The following NBPF3 variants were observed in gnomAD, a reference collection of about 807,000 sequenced individuals.
NBPF3 encodes the protein NBPF family member NBPF3.
In NBPF3, 57 loss-of-function variants were observed where a neutral mutation model predicts 78.1. The ratio of observed to expected loss-of-function variants is 0.73; its 90% CI spans 0.59 to 0.91. NBPF3 has a LOEUF of 0.91. Among genes scored for constraint, NBPF3 ranks in the 40% least tolerant of loss-of-function variants. NBPF3 has a pLI of 0.00. For synonymous variants in NBPF3, 182 were observed against 271.7 expected (o/e 0.67, Z 3.25); for missense variants, 510 against 715.3 (o/e 0.71, Z 3.27).
At chr1:21,455,749 A>T (rs1030697510) in intron 2 of NBPF3, among the ~76,000 whole-genome samples, 1 of 152,230 alleles carries the variant, frequency 6.6e-6, no homozygotes, top group Non-Finnish European at 1.5e-5. Flanking sequence ...CTCAAAGTCT[A>T]TGTGGGGTTC....
Position 21,483,170 on chromosome 1 carries a change from A to C in NBPF3, c.1686A>C (p.Glu562Asp). Reference sequence around the variant, plus strand: ...TCAACGAGGTGCTGATGGAAGCAGAAGAGCCTGAAGTCTTGCAGGACTCAC... The same window carrying C: ...TCAACGAGGTGCTGATGGAAGCAGACGAGCCTGAAGTCTTGCAGGACTCAC... ...PRLNEVLMEAEEPEVLQDSLD... is the reference protein window; with the variant it reads ...PRLNEVLMEADEPEVLQDSLD... Residue 562 changes from glutamate to aspartate, a missense_variant, in exon 15 of 15, where the codon GAA becomes GAC. Coordinates refer to ENST00000318249, the MANE Select transcript of NBPF3 (RefSeq NM_032264.6). 1 of 1,609,840 alleles carries C rather than the reference A, an allele frequency of 6.2e-7. No homozygotes were observed. The highest frequency in any genetic ancestry group is 8.5e-7 in the Non-Finnish European group (1 of 1,178,864).
chr1:21,473,466 G>C lies in NBPF3; in HGVS notation c.821G>C (p.Cys274Ser), dbSNP rs752765705. ...ACTTGTTCAAATAGCCACCACCCTT[G>C]TGAGTCCAACCAGCCTTACGGGAAC... The part of the protein sequence containing the change: ...AITCSNSHHP[C>S]ESNQPYGNTR... The change falls in exon 7 of 15, where the codon TGT (cysteine) becomes TCT (serine). Residue 274 changes from cysteine to serine, a missense_variant. Around this residue, in one of 5 missense-constraint regions of NBPF3, gnomAD observed 440 missense variants for 478.2 expected, o/e 0.92. Coordinates refer to ENST00000318249, the MANE Select transcript of NBPF3 (RefSeq NM_032264.6). The C allele has an allele frequency of 6.2e-7, 1 of 1,614,060 alleles. No individual in the cohort carries two copies. The highest frequency in any genetic ancestry group is 2.2e-5 in the East Asian group (1 of 44,890).
At chr1:21,479,818 C>CTGTGTG (rs1297036233) in intron 10 of NBPF3, among the ~76,000 whole-genome samples, 1 of 43,896 alleles carries the variant, frequency 2.3e-5, no homozygotes, top group Non-Finnish European at 7.5e-5. Context: ...CTCTCTCTCT[C>CTGTGTG]TCTGTGTGTG....
At chr1:21,479,918 T>G (rs1369825450) in intron 10 of NBPF3, 133 bp from the exon 11 acceptor site, 30 of 705,248 alleles carry the variant, frequency 4.3e-5, no homozygotes, top group Non-Finnish European at 7.7e-5. Flanking sequence ...ATGAAGGCAA[T>G]AATTTGTTAC....
chr1:21,479,792 ATC>A lies in NBPF3; in HGVS notation c.1209-231_1209-230del, dbSNP rs374091070. ...ACCTGGCCAATTCACTGAGCTCACTATCTCTCTCTCTCTCTCTCTCTCTCTCT... is the reference window on the plus strand; with the variant it reads ...ACCTGGCCAATTCACTGAGCTCACTATCTCTCTCTCTCTCTCTCTCTCTCT... On this transcript the variant is annotated intron_variant, in intron 10 of 14. Transcript: ENST00000318249. 6.5e-3 allele frequency among the ~76,000 whole-genome samples: 526 copies of A among 81,160 alleles called. 5 individuals carry two copies. The East Asian group carries it at 0.089, about 14-fold the overall frequency. 53.2% of individuals were successfully genotyped at this position (81,160 alleles called of 152,430 possible).
chr1:21,443,518 G>T lies in NBPF3; in HGVS notation c.-139-1430G>T, dbSNP rs147451071. Among the ~76,000 whole-genome samples the T allele has an allele frequency of 3.2e-3, 493 of 152,212 alleles. 1 individual carries two copies. Among genetic ancestry groups the T allele is most frequent in the African/African-American group, 0.011 (476 of 41,534 alleles). On this transcript the variant is annotated intron_variant, in intron 1 of 14. Coordinates refer to ENST00000318249, the MANE Select transcript of NBPF3 (RefSeq NM_032264.6). ...ACTTAATTAGCGAGAAAACTTTATG[G>T]ATCATCCCTAAATAAGTGTTAAGCC...
intron 2 of NBPF3, among the ~76,000 whole-genome samples, chr1:21,455,123 G>A (rs1428400641): frequency 6.6e-6 from 1 of 152,154 alleles, no homozygotes; most frequent in Non-Finnish European, 1.5e-5. Flanking sequence ...GAGGAGGATC[G>A]CCCTGCATGG....
chr1:21,466,253 C>A, intron 2 of NBPF3: 1 of 248,478 alleles, frequency 4.0e-6, no homozygotes, highest in Non-Finnish European at 6.4e-6. Context: ...GCTTCATCTT[C>A]AAAAATCCAA....
chr1:21,438,045 C>A (rs1640459307), upstream of NBPF3, among the ~76,000 whole-genome samples: 1 of 152,012 alleles, frequency 6.6e-6, no homozygotes, highest in African/African-American at 2.4e-5. Flanking sequence ...GTCTTGAACT[C>A]CCGACCTCAG....
At chr1:21,475,690 C>T (rs1338691552) in intron 8 of NBPF3, among the ~76,000 whole-genome samples, 2 of 152,106 alleles carry the variant, frequency 1.3e-5, no homozygotes, top group African/African-American at 2.4e-5. Context: ...GCTTTACCTC[C>T]AACTATGTGG....
intron 2 of NBPF3, among the ~76,000 whole-genome samples, chr1:21,452,684 T>C (rs1641379869): frequency 1.3e-5 from 2 of 152,222 alleles, no homozygotes; most frequent in South Asian, 4.1e-4. Context: ...TTGTGGGCTT[T>C]GGGAAAATGA....
At chr1:21,437,234 G>A (rs1443936278), upstream of NBPF3, among the ~76,000 whole-genome samples, 1 of 152,030 alleles carries the variant, frequency 6.6e-6, no homozygotes, top group Non-Finnish European at 1.5e-5. Context: ...AGGATGCAAG[G>A]GGGAGGAGCC....
At chr1:21,470,416 T>G (rs1203770749) in intron 3 of NBPF3, among the ~76,000 whole-genome samples, 1 of 152,244 alleles carries the variant, frequency 6.6e-6, no homozygotes, top group Non-Finnish European at 1.5e-5. Context: ...GTCAACTTCC[T>G]TGATGTGCCT....
chr1:21,473,696 C>A, intron 7 of NBPF3, 111 bp downstream of exon 7: 1 of 910,426 alleles, frequency 1.1e-6, no homozygotes. Context: ...TTATGGTATT[C>A]TTAACAGAGA....
At chr1:21,471,458 C>G in intron 4 of NBPF3, 111 bp from the exon 5 acceptor site, 1 of 1,536,150 alleles carries the variant, frequency 6.5e-7, no homozygotes, top group Non-Finnish European at 8.9e-7. Flanking sequence ...TGCTGACCTT[C>G]TGCTTGGAGG....
intron 2 of NBPF3, chr1:21,446,233 C>G (rs1440317417): frequency 6.6e-6 from 1 of 152,108 alleles, no homozygotes; most frequent in Non-Finnish European, 1.5e-5. Context: ...CAGAACTTAT[C>G]CAAAGACAAG....
chr1:21,470,442 C>A (rs989428453), intron 3 of NBPF3, among the ~76,000 whole-genome samples, 190 bp from the exon 4 acceptor site: 3 of 152,182 alleles, frequency 2.0e-5, no homozygotes, highest in Non-Finnish European at 4.4e-5. Context: ...TTCTCTTCGT[C>A]TCTAAATTTT....
At chr1:21,439,294 G>C (rs1429691257), upstream of NBPF3, among the ~76,000 whole-genome samples, 3 of 152,064 alleles carry the variant, frequency 2.0e-5, no homozygotes. Context: ...TTCTAGACCA[G>C]CCTTGCCAAC....
At chr1:21,481,814 C>T (rs146767219) in intron 13 of NBPF3, 45 bp downstream of exon 13, 82,979 of 531,656 alleles carry the variant, frequency 0.16, 5,771 homozygotes, top group South Asian at 0.27. Flanking sequence ...CTGAGTTTTC[C>T]GTATAGAGAT....
Sources: gnomAD v4.1 joint callset for allele counts (sites outside exome capture counted in the v4.1 genomes callset) on GRCh38, gnomAD v4.1.1 for gene constraint, gnomAD v4.1.1 regional missense constraint, MANE v1.5 for transcripts, NCBI Gene and HGNC (gene_info 2026-07-23, HGNC 2026-07-21) for gene names.